CYTH4: variants seen among roughly 807,000 people sequenced by gnomAD.
CYTH4 encodes the protein cytohesin-4.
In CYTH4, 22 loss-of-function variants were observed where a neutral mutation model predicts 57.5. The ratio of observed to expected loss-of-function variants is 0.38; its 90% CI spans 0.27 to 0.55. The LOEUF is 0.55. CYTH4 is among the 20% of genes least tolerant of loss of function. The pLI is 0.74. For synonymous variants in CYTH4, 186 were observed against 206.5 expected, an observed-to-expected ratio of 0.90 and a Z score of 0.85; for missense variants, 420 against 535.6, an observed-to-expected ratio of 0.78 and a Z score of 2.13.
At chr22:37,293,346 C>T (rs2145858053) in intron 2 of CYTH4, among the ~76,000 whole-genome samples, 1 of 152,274 alleles carries the variant, frequency 6.6e-6, no homozygotes, top group South Asian at 2.1e-4. Context: ...ATTTCTCTAC[C>T]TTGCTCTGAT....
intron 1 of CYTH4, 57 bp downstream of exon 1, chr22:37,282,645 C>A: frequency 1.4e-6 from 2 of 1,461,266 alleles, no homozygotes; most frequent in Non-Finnish European, 1.9e-6. Context: ...TAGAATGGGA[C>A]AGCAGCCCCT....
Position 37,300,955 on chromosome 22 carries a change from C to T in CYTH4, c.483C>T (p.Asp161=). The part of the protein sequence containing the change: ...FRLPGEAQKI[D]RMMEAFATRY... Reference sequence around the variant, plus strand: ...TGCCGGGCGAGGCCCAGAAGATAGACCGGATGATGGAGGCCTTTGCCACTC... The same window carrying T: ...TGCCGGGCGAGGCCCAGAAGATAGATCGGATGATGGAGGCCTTTGCCACTC... The change falls in exon 7 of 13, where the codon GAC becomes GAT. Residue 161 remains aspartate (D), a synonymous_variant. Transcript: ENST00000248901. 6.2e-7 allele frequency: 1 copy of T among 1,614,194 alleles called. No homozygotes were observed.
chr22:37,308,868 A>G (rs1332099619), intron 8 of CYTH4, among the ~76,000 whole-genome samples: 1 of 114,296 alleles, frequency 8.7e-6, no homozygotes, highest in African/African-American at 3.1e-5. Context: ...ACGTGCATAC[A>G]TGTGCGTGTG....
intron 7 of CYTH4, among the ~76,000 whole-genome samples, chr22:37,302,788 C>G (rs140903414): frequency 6.6e-6 from 1 of 152,172 alleles, no homozygotes; most frequent in Non-Finnish European, 1.5e-5. Context: ...ATGGGAGAGG[C>G]GCTGGGGCTC....
chr22:37,283,332 G>A (rs901460216), intron 1 of CYTH4, among the ~76,000 whole-genome samples: 2 of 152,188 alleles, frequency 1.3e-5, no homozygotes, highest in African/African-American at 2.4e-5. Context: ...GTTTTGGGAG[G>A]CAAATTGAAG....
At chr22:37,288,844 C>T (rs531423702) in intron 1 of CYTH4, among the ~76,000 whole-genome samples, 55 of 152,332 alleles carry the variant, frequency 3.6e-4, no homozygotes, top group African/African-American at 1.1e-3. Context: ...CAGCACCTTC[C>T]GATGAAATGC....
intron 7 of CYTH4, 138 bp downstream of exon 7, chr22:37,301,157 A>G: frequency 1.5e-6 from 1 of 669,292 alleles, no homozygotes; most frequent in Non-Finnish European, 2.5e-6. Flanking sequence ...CTCACTGAGC[A>G]CTGACTTCAT....
chr22:37,308,574 G>C (rs1396840689), intron 8 of CYTH4, among the ~76,000 whole-genome samples: 1 of 151,876 alleles, frequency 6.6e-6, no homozygotes, highest in Non-Finnish European at 1.5e-5. Flanking sequence ...ATACATGTAT[G>C]TGTGAGCGTG....
At position 37,308,760 on chromosome 22, in the gene CYTH4, G is replaced by A. The variant is rs192026401; in HGVS notation, c.697-452G>A. Among the ~76,000 whole-genome samples the A allele has an allele frequency of 2.7e-3, 408 of 152,190 alleles. 1 individual carries two copies. Among genetic ancestry groups the A allele is most frequent in the African/African-American group, 9.2e-3 (383 of 41,496 alleles). On this transcript the variant is annotated intron_variant, in intron 8 of 12. Transcript: ENST00000248901. ...TATGCATGCATGTGTGTGCATGTAT[G>A]TGTGAGCGTGCCTGCATGTGTGTAT...
chr22:37,284,215 G>C (rs1028337878), intron 1 of CYTH4, among the ~76,000 whole-genome samples: 1 of 152,182 alleles, frequency 6.6e-6, no homozygotes, highest in Non-Finnish European at 1.5e-5. Flanking sequence ...TCTCCATCGA[G>C]TAGTTGGTCT....
chr22:37,308,403 T>A (rs1254147107), intron 8 of CYTH4, among the ~76,000 whole-genome samples: 1 of 151,512 alleles, frequency 6.6e-6, no homozygotes, highest in African/African-American at 2.4e-5. Flanking sequence ...TGTGCATGCA[T>A]GTATAAGAGT....
chr22:37,310,052 G>A (rs1196313643), intron 9 of CYTH4: 1 of 466,128 alleles, frequency 2.1e-6, no homozygotes. Flanking sequence ...GATGCCTCAT[G>A]TTGAAGCAGG....
intron 9 of CYTH4, among the ~76,000 whole-genome samples, 199 bp downstream of exon 9, chr22:37,309,522 G>A (rs932546166): frequency 6.6e-6 from 1 of 152,170 alleles, no homozygotes; most frequent in African/African-American, 2.4e-5. Flanking sequence ...CACCTGTCCC[G>A]AGAAGGAAGG....
At chr22:37,306,487 G>A (rs1428949029) in intron 8 of CYTH4, among the ~76,000 whole-genome samples, 1 of 152,244 alleles carries the variant, frequency 6.6e-6, no homozygotes, top group African/African-American at 2.4e-5. Flanking sequence ...AGTTTATGAG[G>A]AGTCCTGATT....
At position 37,312,085 on chromosome 22, in the gene CYTH4, C is replaced by T. The variant is rs200763418; in HGVS notation, c.1023C>T (p.Gly341=). The change falls in exon 12 of 13, where the codon GGC becomes GGT. Residue 341 remains glycine (G), a synonymous_variant. Coordinates refer to ENST00000248901, the MANE Select transcript of CYTH4 (RefSeq NM_013385.5). ...AAATCAAGGCCTGCAAGACCGATGG[C>T]GACGGCAGGGTGGTGGAGGGCAAGC... ...GQKIKACKTD[G]DGRVVEGKHE... 1.4e-5 allele frequency: 23 copies of T among 1,614,196 alleles called. No homozygotes were observed. The highest frequency in any genetic ancestry group is 8.3e-5 in the Admixed American group (5 of 60,028).
chr22:37,299,310 AG>A lies in CYTH4; in HGVS notation c.434+5del. On this transcript the variant is annotated splice_donor_5th_base_variant and intron_variant, in intron 6 of 12. Coordinates refer to ENST00000248901, the MANE Select transcript of CYTH4 (RefSeq NM_013385.5). ...TCAACCTCGTCCAGGCCCTCAGGTG[AG>A]TAGTCCTGGGGCAGGGTCCCGGCCC... is the stretch of plus-strand genomic sequence containing the variant. 1 of 1,613,458 alleles carries A rather than the reference AG, an allele frequency of 6.2e-7. No individual in the cohort carries two copies. The highest frequency in any genetic ancestry group is 1.1e-5 in the South Asian group (1 of 91,050).
Position 37,313,469 on chromosome 22 carries a change from C to A in CYTH4, c.1143C>A (p.Asp381Glu), listed in dbSNP as rs747145121. The change falls in exon 13 of 13, where the codon GAC becomes GAA. Residue 381 changes from aspartate (D) to glutamate (E), a missense_variant. Asp to Glu is a conservative substitution (Grantham distance 45). Transcript: ENST00000248901. ...GCATCACCCGTGTCCCCTTCTACGACCTGGTCTCTACTCGGAAGAAGAAGA... is the reference window on the plus strand; with the variant it reads ...GCATCACCCGTGTCCCCTTCTACGAACTGGTCTCTACTCGGAAGAAGAAGA... ...RASITRVPFY[D>E]LVSTRKKKIA... is the part of the protein sequence containing the mutation. 1.2e-6 allele frequency: 2 copies of A among 1,614,234 alleles called. No individual in the cohort carries two copies. The highest frequency in any genetic ancestry group is 1.1e-5 in the South Asian group (1 of 91,088).
chr22:37,306,243 TC>T (rs143242597), intron 8 of CYTH4, among the ~76,000 whole-genome samples: 2,265 of 152,224 alleles, frequency 0.015, 54 homozygotes, highest in African/African-American at 0.052. Context: ...AACTCCACTC[TC>T]CGGTGTTACA....
intron 4 of CYTH4, among the ~76,000 whole-genome samples, chr22:37,297,223 G>T (rs1929007559): frequency 6.6e-6 from 1 of 152,268 alleles, no homozygotes; most frequent in East Asian, 1.9e-4. Flanking sequence ...GGGAACAAAA[G>T]AAATGGCTGA....
Sources: allele counts gnomAD v4.1 joint callset (sites outside exome capture counted in the v4.1 genomes callset), GRCh38; gene constraint gnomAD v4.1.1; transcripts MANE v1.5; gene names NCBI Gene and HGNC (gene_info 2026-07-23, HGNC 2026-07-21).